Variants in LRPPRC observed in about 807,000 individuals in gnomAD.
LRPPRC encodes leucine-rich PPR motif-containing protein, mitochondrial.
LRPPRC carries 120 observed loss-of-function variants against 180.3 expected under a neutral mutation model. That is an observed-to-expected ratio of 0.67 (90% confidence interval 0.57 to 0.77). The LOEUF (loss-of-function observed/expected upper bound fraction) is 0.77, where lower values mean the gene tolerates loss of function less well. Ranked by LOEUF, LRPPRC falls within the 30% of genes least tolerant of loss-of-function variation. LRPPRC has a pLI of 0.00. For missense variants in LRPPRC, 2,012 were observed against 1,657.2 expected, an observed-to-expected ratio of 1.21 and a Z score of -3.72; for synonymous variants, 723 against 600.0, an observed-to-expected ratio of 1.21 and a Z score of -3.00.
intron 18 of LRPPRC, 29 bp downstream of exon 18, chr2:43,948,088 CATTTT>C (rs1672758536): frequency 7.7e-7 from 1 of 1,300,964 alleles, no homozygotes; most frequent in African/African-American, 1.5e-5. Context: ...GTAAGTTAAG[CATTTT>C]ATCCAGTTGA....
chr2:43,990,240 G>A (rs12990017), intron 1 of LRPPRC, among the ~76,000 whole-genome samples: 138,917 of 152,190 alleles, frequency 0.91, 63,934 homozygotes, highest in African/African-American at 0.98. Context: ...AAAGTAATCA[G>A]CATCTATTCT....
Position 43,964,653 on chromosome 2 carries a change from T to A in LRPPRC, c.1370-947A>T, listed in dbSNP as rs930420407. Among the ~76,000 whole-genome samples the A allele has an allele frequency of 2.6e-4, 40 of 152,130 alleles. 1 individual carries two copies. Among genetic ancestry groups the A allele is most frequent in the African/African-American group, 8.9e-4 (37 of 41,426 alleles). ...AAAAACACAAGCAAGTCTAACTACA[T>A]TATAAATACCTGCACATTTCTTTTA... On this transcript the variant is annotated intron_variant, in intron 11 of 37. Transcript: ENST00000260665.
intron 23 of LRPPRC, among the ~76,000 whole-genome samples, chr2:43,942,317 A>T (rs1672512196): frequency 6.6e-6 from 1 of 152,216 alleles, no homozygotes; most frequent in South Asian, 2.1e-4. Context: ...TGCAATTTGC[A>T]GAAATGGGTC....
chr2:43,891,169 T>C (rs1176080998), intron 36 of LRPPRC, among the ~76,000 whole-genome samples: 1 of 152,232 alleles, frequency 6.6e-6, no homozygotes, highest in African/African-American at 2.4e-5. Context: ...CTGAACCCTT[T>C]AAGGGCTCAA....
At chr2:43,995,990 G>A (rs917955583), upstream of LRPPRC, 3 of 1,520,506 alleles carry the variant, frequency 2.0e-6, no homozygotes, top group East Asian at 2.6e-5. Flanking sequence ...CCGCCAGAAG[G>A]ACAGGAGGAG....
intron 27 of LRPPRC, among the ~76,000 whole-genome samples, chr2:43,920,039 A>C (rs1315295118): frequency 5.3e-5 from 8 of 151,768 alleles, no homozygotes; most frequent in Admixed American, 3.9e-4. Context: ...CAAAGAACAA[A>C]AAACAAAGCA....
intron 14 of LRPPRC, 50 bp from the exon 15 acceptor site, chr2:43,950,650 T>A: frequency 1.6e-6 from 2 of 1,254,008 alleles, no homozygotes; most frequent in African/African-American, 1.5e-5. Flanking sequence ...TATTTTCAAG[T>A]ATATGCATAC....
intron 29 of LRPPRC, among the ~76,000 whole-genome samples, chr2:43,913,025 C>G (rs1671319983): frequency 6.6e-6 from 1 of 152,164 alleles, no homozygotes; most frequent in South Asian, 2.1e-4. Flanking sequence ...CAATGGTTAA[C>G]ATTTCAGCAC....
intron 12 of LRPPRC, among the ~76,000 whole-genome samples, chr2:43,962,551 A>G (rs1335683121): frequency 6.6e-6 from 1 of 152,186 alleles, no homozygotes; most frequent in African/African-American, 2.4e-5. Flanking sequence ...TTGTTTTTGT[A>G]ATTCATATAT....
At chr2:43,952,967 T>A (rs536683341) in intron 14 of LRPPRC, among the ~76,000 whole-genome samples, 13 of 152,370 alleles carry the variant, frequency 8.5e-5, no homozygotes, top group African/African-American at 3.1e-4. Context: ...ATGAGACTAC[T>A]CATAAAGACC....
chr2:43,940,993 G>A (rs1043811742), intron 23 of LRPPRC, among the ~76,000 whole-genome samples: 6 of 152,140 alleles, frequency 3.9e-5, no homozygotes, highest in South Asian at 4.1e-4. Flanking sequence ...TAAAAATTTT[G>A]TTCAACTGCA....
rs79209462 is a variant in LRPPRC, at chr2:43,892,103, A to G, written c.3986-2227T>C. 8.9e-4 allele frequency among the ~76,000 whole-genome samples: 136 copies of G among 152,366 alleles called. 1 individual carries two copies. In the East Asian group the frequency reaches 0.01, roughly 11 times the overall value. ...GGAAAGAAGCCATCTCCATGACACGAAAGTCCAAGGTGAAGCAGCAAATGC... is the reference window on the plus strand; with the variant it reads ...GGAAAGAAGCCATCTCCATGACACGGAAGTCCAAGGTGAAGCAGCAAATGC... On this transcript the variant is annotated intron_variant, in intron 36 of 37. Coordinates refer to ENST00000260665, the MANE Select transcript of LRPPRC (RefSeq NM_133259.4).
intron 25 of LRPPRC, among the ~76,000 whole-genome samples, chr2:43,929,822 C>G (rs1185842013): frequency 2.0e-5 from 3 of 152,002 alleles, no homozygotes; most frequent in Admixed American, 6.6e-5. Context: ...GTCCAATTAA[C>G]AAACTATCAT....
At chr2:43,942,071 C>G (rs1171625020) in intron 23 of LRPPRC, among the ~76,000 whole-genome samples, 1 of 152,058 alleles carries the variant, frequency 6.6e-6, no homozygotes, top group Non-Finnish European at 1.5e-5. Flanking sequence ...GAATTCCACA[C>G]CGTTTCCATT....
chr2:43,979,709 G>C, intron 3 of LRPPRC, 117 bp downstream of exon 3: 1 of 812,036 alleles, frequency 1.2e-6, no homozygotes, highest in Non-Finnish European at 2.0e-6. Context: ...AAAAAATTAT[G>C]AATCAAGTAG....
intron 11 of LRPPRC, among the ~76,000 whole-genome samples, chr2:43,971,485 T>TAAAAAAAAAAAAAAAAAAAAAAAAAAAAA (rs528659622): frequency 1.3e-4 from 8 of 62,416 alleles, no homozygotes; most frequent in Non-Finnish European, 2.0e-4. Context: ...TGTGTCACAG[T>TAAAAAAAAAAAAAAAAAAAAAAAAAAAAA]AAAAAAAAAA....
At chr2:43,950,807 C>T (rs1379058352) in intron 14 of LRPPRC, among the ~76,000 whole-genome samples, 3 of 152,200 alleles carry the variant, frequency 2.0e-5, no homozygotes, top group Non-Finnish European at 4.4e-5. Context: ...TGGTGGCTCA[C>T]ATCTGCAATC....
intron 30 of LRPPRC, among the ~76,000 whole-genome samples, chr2:43,907,399 A>C (rs527440663): frequency 6.6e-6 from 1 of 152,318 alleles, no homozygotes; most frequent in South Asian, 2.1e-4. Flanking sequence ...TATTGGAATC[A>C]TTTATACAAT....
chr2:43,985,816 C>T (rs1349286080), intron 1 of LRPPRC, among the ~76,000 whole-genome samples: 4 of 152,218 alleles, frequency 2.6e-5, no homozygotes, highest in Admixed American at 2.6e-4. Flanking sequence ...TTGGTATGGA[C>T]ATGCATTTTG....
Sources: allele counts gnomAD v4.1 joint callset (sites outside exome capture counted in the v4.1 genomes callset), GRCh38; gene constraint gnomAD v4.1.1; transcripts MANE v1.5; gene names NCBI Gene and HGNC (gene_info 2026-07-23, HGNC 2026-07-21).